The following MTURN variants were observed in gnomAD, a reference collection of about 807,000 sequenced individuals.
MTURN encodes the protein maturin.
In MTURN, 7 loss-of-function variants were observed where a neutral mutation model predicts 14.9. The ratio of observed to expected loss-of-function variants is 0.47; its 90% confidence interval spans 0.27 to 0.88. MTURN has a LOEUF of 0.88. Among genes scored for constraint, MTURN ranks in the 40% least tolerant of loss-of-function variants. The probability of loss-of-function intolerance (pLI) is 0.14; values close to 1 mark genes in which losing one functional copy is unlikely to be tolerated. For missense variants in MTURN, 151 were observed against 174.1 expected, an observed-to-expected ratio of 0.87 and a Z score of 0.75; for synonymous variants, 69 against 72.5, an observed-to-expected ratio of 0.95 and a Z score of 0.25.
intron 1 of MTURN, among the ~76,000 whole-genome samples, chr7:30,144,900 A>C (rs1354666590): frequency 7.9e-6 from 1 of 126,846 alleles, no homozygotes; most frequent in African/African-American, 3.0e-5. Context: ...TATCTGCCAG[A>C]TGTCTTTCTT....
chr7:30,148,316 A>G (rs10268447), intron 2 of MTURN, among the ~76,000 whole-genome samples: 124,491 of 152,242 alleles, frequency 0.82, 50,938 homozygotes, highest in East Asian at 0.93. Context: ...ACCTGTGTCC[A>G]GGGAGCAGGA....
At chr7:30,140,394 G>GGTGT (rs749509362) in intron 1 of MTURN, among the ~76,000 whole-genome samples, 34 of 36,322 alleles carry the variant, frequency 9.4e-4, no homozygotes, top group African/African-American at 2.0e-3. Flanking sequence ...TTTGTAGAGG[G>GGTGT]GTGTGTGTGT....
chr7:30,146,156 C>T, intron 1 of MTURN, 21 bp from the exon 2 acceptor site: 2 of 1,613,484 alleles, frequency 1.2e-6, no homozygotes, highest in South Asian at 1.1e-5. Context: ...TTTTCTCCTT[C>T]CGTCGCCCGT....
intron 1 of MTURN, chr7:30,141,444 G>A (rs1173028641): frequency 6.7e-6 from 1 of 149,988 alleles, no homozygotes. Flanking sequence ...GAGAAAAAAA[G>A]AAATATGTTG....
intron 1 of MTURN, among the ~76,000 whole-genome samples, chr7:30,142,134 C>A (rs568018978): frequency 6.6e-6 from 1 of 152,328 alleles, no homozygotes; most frequent in East Asian, 1.9e-4. Flanking sequence ...ATATTCCGAT[C>A]TACATTGTAC....
intron 1 of MTURN, chr7:30,137,807 T>C: frequency 2.6e-6 from 1 of 384,082 alleles, no homozygotes; most frequent in Non-Finnish European, 5.4e-6. Flanking sequence ...GAATTTCTAT[T>C]AGTTGAAGGA....
intron 1 of MTURN, among the ~76,000 whole-genome samples, chr7:30,139,893 G>A (rs1272517108): frequency 1.3e-5 from 2 of 152,166 alleles, no homozygotes; most frequent in Admixed American, 6.5e-5. Flanking sequence ...AGCTGCTAGT[G>A]CCCTGTGTGT....
At chr7:30,136,063 C>T (rs953106769) in intron 1 of MTURN, among the ~76,000 whole-genome samples, 1 of 152,238 alleles carries the variant, frequency 6.6e-6, no homozygotes, top group African/African-American at 2.4e-5. Context: ...GCGCTGCCCT[C>T]GCTGCCTCTC....
Position 30,150,913 on chromosome 7 carries a change from G to C in MTURN, c.285+4614G>C, listed in dbSNP as rs78533889. Among the ~76,000 whole-genome samples, 1,316 of 152,262 alleles carry C rather than the reference G, an allele frequency of 8.6e-3. 17 individuals carry two copies. Among genetic ancestry groups the C allele is most frequent in the African/African-American group, 0.03 (1,243 of 41,536 alleles). ...CTCAGTGTCCCCAGCTTTAAAATGGGGGCAATACTGATTTAGCTGTCTTGT... is the reference window on the plus strand; with the variant it reads ...CTCAGTGTCCCCAGCTTTAAAATGGCGGCAATACTGATTTAGCTGTCTTGT... On this transcript the variant is annotated intron_variant, in intron 2 of 2. Coordinates refer to ENST00000324453, the MANE Select transcript of MTURN (RefSeq NM_152793.3).
At chr7:30,146,663 G>T (rs1198272956) in intron 2 of MTURN, among the ~76,000 whole-genome samples, 1 of 152,126 alleles carries the variant, frequency 6.6e-6, no homozygotes, top group East Asian at 1.9e-4. Flanking sequence ...ATAATAGTGG[G>T]GCGTATATTT....
chr7:30,156,749 C>G (rs796446099), intron 2 of MTURN, among the ~76,000 whole-genome samples: 1 of 151,620 alleles, frequency 6.6e-6, no homozygotes, highest in Non-Finnish European at 1.5e-5. Flanking sequence ...TGCTTGAACC[C>G]GGGAATTAGA....
rs1182802393 is a variant in MTURN at position 30,134,999 on chromosome 7, T to C, written c.-138T>C. 9 of 686,818 alleles carry C rather than the reference T, an allele frequency of 1.3e-5. No homozygotes were observed. The highest frequency in any genetic ancestry group is 1.6e-5 in the Non-Finnish European group (9 of 550,340). 42.5% of individuals were successfully genotyped at this position (686,818 alleles called of 1,614,324 possible). A position where few individuals can be genotyped will look rare whatever the true frequency, so the allele number is the denominator to read the frequency against. The stretch of plus-strand genomic sequence containing the variant: ...GCCGCCCGCCCCACTCCGCACCGCA[T>C]GTAAACAGTCCCAGCCGGCCCAGCC... On this transcript the variant is annotated 5_prime_UTR_variant, in exon 1 of 3. The change abolishes an upstream ATG in the 5' untranslated region. Coordinates refer to ENST00000324453, the MANE Select transcript of MTURN (RefSeq NM_152793.3).
intron 1 of MTURN, 66 bp downstream of exon 1, chr7:30,135,364 C>T: frequency 7.2e-7 from 1 of 1,388,142 alleles, no homozygotes; most frequent in Non-Finnish European, 9.4e-7. Context: ...CGTCCCTGCG[C>T]CCGAGCTCCC....
chr7:30,152,458 T>C (rs1201398364), intron 2 of MTURN, among the ~76,000 whole-genome samples: 1 of 152,246 alleles, frequency 6.6e-6, no homozygotes, highest in Non-Finnish European at 1.5e-5. Context: ...GTGTTAGAGA[T>C]GCAGAATTGG....
At chr7:30,142,371 G>A (rs1797064446) in intron 1 of MTURN, among the ~76,000 whole-genome samples, 1 of 152,114 alleles carries the variant, frequency 6.6e-6, no homozygotes, top group Non-Finnish European at 1.5e-5. Flanking sequence ...CCTGAGATTT[G>A]GAGCTGGCTA....
At chr7:30,145,877 G>A in intron 1 of MTURN, 1 of 1,551,648 alleles carries the variant, frequency 6.4e-7, no homozygotes, top group Non-Finnish European at 8.7e-7. Flanking sequence ...AAGGTGAACA[G>A]TGGAAATCAT....
intron 1 of MTURN, among the ~76,000 whole-genome samples, chr7:30,139,696 G>A (rs1797019132): frequency 6.6e-6 from 1 of 152,202 alleles, no homozygotes; most frequent in African/African-American, 2.4e-5. Context: ...GGTCAGGCCA[G>A]TAGTTCCAGG....
At chr7:30,148,844 G>T (rs1203346781) in intron 2 of MTURN, among the ~76,000 whole-genome samples, 2 of 152,198 alleles carry the variant, frequency 1.3e-5, no homozygotes, top group African/African-American at 4.8e-5. Context: ...TTAAATGCCT[G>T]TTAGACATCG....
intron 2 of MTURN, among the ~76,000 whole-genome samples, chr7:30,152,280 T>C (rs965041662): frequency 2.0e-5 from 3 of 152,056 alleles, no homozygotes; most frequent in African/African-American, 7.2e-5. Flanking sequence ...TGCCACCCTT[T>C]TTTCCTTAGG....
Sources: gnomAD v4.1 joint callset for allele counts (sites outside exome capture counted in the v4.1 genomes callset) on GRCh38, gnomAD v4.1.1 for gene constraint, MANE v1.5 for transcripts, NCBI Gene and HGNC (gene_info 2026-07-23, HGNC 2026-07-21) for gene names.